Variants in AIG1 observed in about 807,000 individuals in gnomAD.
AIG1 encodes the protein androgen-induced gene 1 protein.
Under a neutral mutation model 31.4 loss-of-function variants are expected in AIG1, and 23 were observed. The observed-to-expected ratio is 0.73, with a 90% confidence interval of 0.53 to 1.04. The LOEUF is 1.04. Ranked by LOEUF, AIG1 falls within the 50% of genes least tolerant of loss-of-function variation. AIG1 has a pLI of 0.00. For missense variants in AIG1, 274 were observed against 295.0 expected, an observed-to-expected ratio of 0.93 and a Z score of 0.52; for synonymous variants, 100 against 110.5, an observed-to-expected ratio of 0.90 and a Z score of 0.60.
chr6:143,296,064 C>G (rs568072008), intron 4 of AIG1, among the ~76,000 whole-genome samples: 4 of 152,128 alleles, frequency 2.6e-5, no homozygotes, highest in South Asian at 4.2e-4. Context: ...CACATACACA[C>G]ACACCCACAC....
At chr6:143,067,076 G>A (rs1387003325) in intron 1 of AIG1, among the ~76,000 whole-genome samples, 9 of 152,222 alleles carry the variant, frequency 5.9e-5, no homozygotes, top group South Asian at 2.1e-4. Flanking sequence ...TGGGGCAGGA[G>A]GATGACTTGA....
At chr6:143,164,824 C>A in intron 2 of AIG1, 1 of 329,486 alleles carries the variant, frequency 3.0e-6, no homozygotes, top group Non-Finnish European at 5.6e-6. Context: ...GAAAACAGGC[C>A]TCTTCTCTCT....
At chr6:143,342,537 C>A, downstream of AIG1, 1 of 829,268 alleles carries the variant, frequency 1.2e-6, no homozygotes, top group East Asian at 2.4e-5. Flanking sequence ...TATAAGGACT[C>A]TCATAAAACC....
chr6:143,243,766 G>A (rs1036718881), intron 3 of AIG1, among the ~76,000 whole-genome samples: 1 of 152,214 alleles, frequency 6.6e-6, no homozygotes, highest in Non-Finnish European at 1.5e-5. Flanking sequence ...GCCCTGAACT[G>A]CCATACTACC....
At chr6:143,150,194 C>G (rs1785084502) in intron 2 of AIG1, among the ~76,000 whole-genome samples, 1 of 152,210 alleles carries the variant, frequency 6.6e-6, no homozygotes, top group African/African-American at 2.4e-5. Flanking sequence ...ATCTGTCACT[C>G]AGGCAAACAC....
intron 2 of AIG1, among the ~76,000 whole-genome samples, chr6:143,163,055 C>G (rs1786557833): frequency 6.6e-6 from 1 of 152,114 alleles, no homozygotes; most frequent in African/African-American, 2.4e-5. Context: ...CAGAGCAGAT[C>G]AGAGTGAGAC....
intron 3 of AIG1, among the ~76,000 whole-genome samples, chr6:143,270,855 A>C (rs1323752355): frequency 6.6e-6 from 1 of 152,042 alleles, no homozygotes; most frequent in East Asian, 1.9e-4. Context: ...GTGTGCATGG[A>C]TGAGTGTGTG....
Position 143,121,001 on chromosome 6 carries a change from G to T in AIG1, c.142-15834G>T, listed in dbSNP as rs374045681. Among the ~76,000 whole-genome samples the T allele has an allele frequency of 8.5e-5, 13 of 152,244 alleles. No homozygotes were observed. In the East Asian group the frequency reaches 9.6e-4, roughly 11 times the overall value. On this transcript the variant is annotated intron_variant, in intron 1 of 5. Coordinates refer to ENST00000357847, the MANE Select transcript of AIG1 (RefSeq NM_016108.4). The stretch of plus-strand genomic sequence containing the variant: ...ATCTGTGCCTTAAGGACATGCTCCT[G>T]CTGCAGATAACTAGCCCAACCCATC...
Position 143,061,802 on chromosome 6 carries a change from C to T in AIG1, c.141+736C>T, listed in dbSNP as rs558423628. ...CAGGTGCAGGTTATTATTAGTATATCATTTTGAAAGTTTTTCTATTTCTGG... is the reference window on the plus strand; with the variant it reads ...CAGGTGCAGGTTATTATTAGTATATTATTTTGAAAGTTTTTCTATTTCTGG... On this transcript the variant is annotated intron_variant, in intron 1 of 5. Transcript: ENST00000357847. Among the ~76,000 whole-genome samples, 270 of 152,332 alleles carry T rather than the reference C, an allele frequency of 1.8e-3. 2 individuals are homozygous for T. Among genetic ancestry groups the T allele is most frequent in the African/African-American group, 6.1e-3 (254 of 41,570 alleles).
intron 4 of AIG1, among the ~76,000 whole-genome samples, chr6:143,332,161 T>C (rs1305152054): frequency 6.6e-6 from 1 of 152,152 alleles, no homozygotes; most frequent in African/African-American, 2.4e-5. Flanking sequence ...TGTGAGCCAC[T>C]GCACCCTGTC....
chr6:143,238,057 C>T (rs1793944684), intron 3 of AIG1, among the ~76,000 whole-genome samples: 1 of 152,192 alleles, frequency 6.6e-6, no homozygotes, highest in South Asian at 2.1e-4. Context: ...TCTCCTGCAT[C>T]AGCCTCCCGA....
intron 3 of AIG1, among the ~76,000 whole-genome samples, chr6:143,250,760 A>G (rs1794953197): frequency 6.6e-6 from 1 of 152,168 alleles, no homozygotes; most frequent in South Asian, 2.1e-4. Flanking sequence ...GCGGCCCAGG[A>G]CAGCTTTGAA....
At chr6:143,118,292 C>G (rs1278633912) in intron 1 of AIG1, among the ~76,000 whole-genome samples, 1 of 152,008 alleles carries the variant, frequency 6.6e-6, no homozygotes, top group South Asian at 2.1e-4. Context: ...AACCCTGTCT[C>G]TACCAAAATA....
chr6:143,171,715 C>G (rs1482696869), intron 3 of AIG1, among the ~76,000 whole-genome samples: 1 of 150,978 alleles, frequency 6.6e-6, no homozygotes, highest in Non-Finnish European at 1.5e-5. Context: ...ATTTCTGTAT[C>G]AAATGGTAGA....
chr6:143,066,427 C>T (rs2128458064), intron 1 of AIG1, among the ~76,000 whole-genome samples: 1 of 152,130 alleles, frequency 6.6e-6, no homozygotes, highest in South Asian at 2.1e-4. Flanking sequence ...CACCTGCCAC[C>T]ACACCTGGCT....
In AIG1 at chr6:143,238,193, G is replaced by A. The variant is rs537489500; in HGVS notation, c.400-45917G>A. ...TGACCTCAGGTGGTCTGCCCACCTC[G>A]GGCTCCCAAAGTCCTGGGATTACAG... is the stretch of plus-strand genomic sequence containing the variant. On this transcript the variant is annotated intron_variant, in intron 3 of 5. Transcript: ENST00000357847. Among the ~76,000 whole-genome samples the A allele has an allele frequency of 1.2e-4, 19 of 152,116 alleles. No homozygotes were observed. The East Asian group carries it at 2.9e-3, about 23-fold the overall frequency.
chr6:143,061,006 C>G lies in AIG1; in HGVS notation c.81C>G (p.Ile27Met), dbSNP rs11556578. ...YCSILCNYKA[I>M]EMPSHQTYGG... ...CTATCCTGTGTAACTACAAGGCCAT[C>G]GAAATGCCCTCACACCAGACCTACG... The change falls in exon 1 of 6, where the codon ATC (isoleucine) becomes ATG (methionine). Residue 27 changes from isoleucine to methionine, a missense_variant. This residue lies in a region of AIG1 where 243 missense variants were observed against 238.5 expected (regional missense o/e 1.02). Transcript: ENST00000357847. 1.9e-6 allele frequency: 3 copies of G among 1,613,550 alleles called. No homozygotes were observed. The highest frequency in any genetic ancestry group is 1.7e-5 in the Admixed American group (1 of 59,996).
chr6:143,246,066 C>T lies in AIG1; in HGVS notation c.400-38044C>T, dbSNP rs138712086. 1.8e-3 allele frequency among the ~76,000 whole-genome samples: 280 copies of T among 152,222 alleles called. 2 individuals carry two copies. Among genetic ancestry groups the T allele is most frequent in the African/African-American group, 6.4e-3 (266 of 41,546 alleles). The stretch of plus-strand genomic sequence containing the variant: ...CACGTTTTAAGAAAGTTTAGAAATT[C>T]GCTTTGGGTCACATTCAAAGCCATC... On this transcript the variant is annotated intron_variant, in intron 3 of 5. Transcript: ENST00000357847.
At chr6:143,281,554 A>G (rs1797341805) in intron 3 of AIG1, among the ~76,000 whole-genome samples, 1 of 152,200 alleles carries the variant, frequency 6.6e-6, no homozygotes, top group Non-Finnish European at 1.5e-5. Flanking sequence ...TATAGATTTT[A>G]AGTTATAACT....
Sources: allele counts gnomAD v4.1 joint callset (sites outside exome capture counted in the v4.1 genomes callset), GRCh38; gene constraint gnomAD v4.1.1; regional missense constraint gnomAD v4.1.1; transcripts MANE v1.5; gene names NCBI Gene and HGNC (gene_info 2026-07-23, HGNC 2026-07-21).